The following VEGFB variants were observed in gnomAD, a reference collection of about 807,000 sequenced individuals.
VEGFB encodes the protein VEGF-related factor.
VEGFB carries 24 observed loss-of-function variants against 22.5 expected under a neutral mutation model. The ratio of observed to expected loss-of-function variants is 1.07; its 90% CI spans 0.77 to 1.50. The LOEUF (loss-of-function observed/expected upper bound fraction) is 1.50, where lower values mean the gene tolerates loss of function less well. VEGFB is among the 40% of genes most tolerant of loss of function. The probability of loss-of-function intolerance (pLI) is 0.00; values close to 1 mark genes in which losing one functional copy is unlikely to be tolerated. For synonymous variants in VEGFB, 141 were observed against 117.4 expected (o/e 1.20, Z -1.30); for missense variants, 327 against 287.8 (o/e 1.14, Z -0.99).
At position 64,236,268 on chromosome 11, in the gene VEGFB, G is replaced by C. The variant is rs1270045912; in HGVS notation, c.315G>C (p.Arg105=). The C allele has an allele frequency of 1.2e-6, 2 of 1,613,924 alleles. No individual in the cohort carries two copies. The highest frequency in any genetic ancestry group is 1.1e-5 in the South Asian group (1 of 91,090). ...CCTGAGCACAGATCCTCATGATCCGGTACCCGAGCAGTCAGCTGGGGGAGA... is the reference window on the plus strand; with the variant it reads ...CCTGAGCACAGATCCTCATGATCCGCTACCCGAGCAGTCAGCTGGGGGAGA... ...HQVRMQILMI[R]YPSSQLGEMS... The change falls in exon 4 of 7, where the codon CGG becomes CGC. Residue 105 remains arginine, a synonymous_variant. Coordinates refer to ENST00000309422, the MANE Select transcript of VEGFB (RefSeq NM_003377.5).
intron 4 of VEGFB, among the ~76,000 whole-genome samples, chr11:64,236,772 C>G (rs1430243286): frequency 2.3e-4 from 30 of 131,930 alleles, no homozygotes; most frequent in African/African-American, 8.0e-4. Context: ...GGCCTTGGAT[C>G]TGGGGCAACA....
At chr11:64,237,911 C>T (rs1008985858) in intron 6 of VEGFB, 10 of 498,678 alleles carry the variant, frequency 2.0e-5, no homozygotes, top group African/African-American at 3.8e-5. Flanking sequence ...TACCTGGCCT[C>T]GTCTTTCAGA....
chr11:64,237,965 A>T (rs749512189), intron 6 of VEGFB: 2 of 480,848 alleles, frequency 4.2e-6, no homozygotes, highest in East Asian at 3.3e-5. Context: ...CCGGAGTAGA[A>T]ATGTAGGACA....
At chr11:64,235,791 AC>A in intron 2 of VEGFB, 21 bp from the exon 3 acceptor site, 3 of 1,612,728 alleles carry the variant, frequency 1.9e-6, no homozygotes, top group African/African-American at 1.3e-5. Flanking sequence ...TGAGGACTTA[AC>A]CCCTACCGGT....
chr11:64,236,400 A>T, intron 4 of VEGFB, 73 bp downstream of exon 4: 5 of 1,437,102 alleles, frequency 3.5e-6, no homozygotes, highest in South Asian at 1.2e-5. Context: ...GGTCCACAGA[A>T]CTGGGGACCA....
intron 6 of VEGFB, among the ~76,000 whole-genome samples, chr11:64,238,122 G>A (rs2030236390): frequency 6.6e-6 from 1 of 152,192 alleles, no homozygotes; most frequent in Admixed American, 6.5e-5. Context: ...GTGTCCCGCA[G>A]TGAGGCCATG....
rs1352195371 is a variant in VEGFB, at chr11:64,237,123, G to A, written c.375-64G>A. 5 of 663,060 alleles carry A rather than the reference G, an allele frequency of 7.5e-6. No individual in the cohort carries two copies. The East Asian group carries it at 1.9e-4, about 25-fold the overall frequency. The allele number at this position is 663,060 out of a possible 1,614,324, so 41.1% of individuals were successfully genotyped here. On this transcript the variant is annotated intron_variant, in intron 4 of 6. Coordinates refer to ENST00000309422, the MANE Select transcript of VEGFB (RefSeq NM_003377.5). ...AGAGAGAGAGAGAGAGAGAGAGAGAGTAGGATGCTGGGATTTCCTGATCTT... is the reference window on the plus strand; with the variant it reads ...AGAGAGAGAGAGAGAGAGAGAGAGAATAGGATGCTGGGATTTCCTGATCTT...
At chr11:64,237,265 CAAGTGAGTCCAGAAGCTGTTGCT>C (rs767146079) in intron 5 of VEGFB, 43 bp downstream of exon 5, 1 of 1,573,976 alleles carries the variant, frequency 6.4e-7, no homozygotes, top group South Asian at 1.1e-5. Flanking sequence ...ATGGGGAGTA[CAAGTGAGTCCAGAAGCTGTTGCT>C]CCTCTTTCTC....
rs757671297 is a variant in VEGFB, at chr11:64,235,837, C to T, written c.128C>T (p.Thr43Ile). 13 of 1,613,864 alleles carry T rather than the reference C, an allele frequency of 8.1e-6. No homozygotes were observed. In the African/African-American group the frequency reaches 1.1e-4, roughly 13 times the overall value. Reference protein sequence around the residue: ...RKVVSWIDVYTRATCQPREVV... With the variant: ...RKVVSWIDVYIRATCQPREVV... The stretch of plus-strand genomic sequence containing the variant: ...GTGGTGTCATGGATAGATGTGTATA[C>T]TCGCGCTACCTGCCAGCCCCGGGAG... Residue 43 changes from threonine (T) to isoleucine (I), a missense_variant, in exon 3 of 7, where the codon ACT becomes ATT. By Grantham distance (89) the Thr-to-Ile change is moderately conservative. Coordinates refer to ENST00000309422, the MANE Select transcript of VEGFB (RefSeq NM_003377.5).
At position 64,237,180 on chromosome 11, in the gene VEGFB, T is replaced by C. The variant is rs775569223; in HGVS notation, c.375-7T>C. 6.2e-7 allele frequency: 1 copy of C among 1,602,650 alleles called. No individual in the cohort carries two copies. Among genetic ancestry groups the C allele is most frequent in the East Asian group, 2.2e-5 (1 of 44,550 alleles). ...GTTTGTCTGTGTCTGTCTATCTTAC[T>C]TTTCAGACCTAAAAAAAAGGACAGT... On this transcript the variant is annotated splice_polypyrimidine_tract_variant and splice_region_variant and intron_variant, in intron 4 of 6. Coordinates refer to ENST00000309422, the MANE Select transcript of VEGFB (RefSeq NM_003377.5).
chr11:64,234,773 C>CGA lies in VEGFB; in HGVS notation c.-61_-60insGA, dbSNP rs1947228264. The CGA allele has an allele frequency of 1.5e-5, 12 of 817,416 alleles. No homozygotes were observed. In the South Asian group the frequency reaches 4.3e-4, roughly 29 times the overall value. 50.6% of individuals were successfully genotyped at this position (817,416 alleles called of 1,614,324 possible). ...GCCATGGGGCTCTGGCTGTCGCCGC[C>CGA]CCCCGCGCCGCCGGGCTAGGGCGAT... On this transcript the variant is annotated 5_prime_UTR_variant, in exon 1 of 7. The change abolishes the stop of an existing upstream ORF in the 5' untranslated region. Transcript: ENST00000309422. The surrounding 1 kb of genome is among the most constrained non-coding windows in gnomAD (Gnocchi z 5.3).
Position 64,237,083 on chromosome 11 carries a change from C to CGAGAGAGAGAGAGAGAGAGAGAG in VEGFB, c.375-104_375-103insGAGAGAGAGAGAGAGAGAGAGAG, listed in dbSNP as rs1555056088. The stretch of plus-strand genomic sequence containing the variant: ...GGGCAAGAAGAGGGAAACACAGTCT[C>CGAGAGAGAGAGAGAGAGAGAGAG]AAAGAGAGAGAGAGAGAGAGAGAGA... On this transcript the variant is annotated intron_variant, in intron 4 of 6. Transcript: ENST00000309422. 16 of 650,508 alleles carry CGAGAGAGAGAGAGAGAGAGAGAG rather than the reference C, an allele frequency of 2.5e-5. 3 individuals are homozygous for CGAGAGAGAGAGAGAGAGAGAGAG. The highest frequency in any genetic ancestry group is 1.4e-4 in the East Asian group (2 of 14,494). The allele number at this position is 650,508 out of a possible 1,614,324, so 40.3% of individuals were successfully genotyped here. A position where few individuals can be genotyped will look rare whatever the true frequency, so the allele number is the denominator to read the frequency against.
At position 64,238,617 on chromosome 11, in the gene VEGFB, A is replaced by C. The variant is rs1338691689; in HGVS notation, c.*284A>C. 4 of 591,850 alleles carry C rather than the reference A, an allele frequency of 6.8e-6. No homozygotes were observed. The highest frequency in any genetic ancestry group is 1.2e-5 in the Non-Finnish European group (4 of 332,150). The allele number at this position is 591,850 out of a possible 1,614,324, so 36.7% of individuals were successfully genotyped here. ...GAGGCAGCAAGAGGGGTCACATACC[A>C]GCTCAGGGGAGAATGGAGTACTGTC... On this transcript the variant is annotated 3_prime_UTR_variant, in exon 7 of 7. Coordinates refer to ENST00000309422, the MANE Select transcript of VEGFB (RefSeq NM_003377.5).
Position 64,235,738 on chromosome 11 carries a change from G to T in VEGFB, c.104-75G>T. The T allele has an allele frequency of 3.2e-6, 5 of 1,560,988 alleles. No homozygotes were observed. The South Asian group carries it at 5.7e-5, about 18-fold the overall frequency. ...TAGTGGAGGGTGGCTGTGACTTGGG[G>T]ACTGGGGAGGACAGATGCTGGGAGC... On this transcript the variant is annotated intron_variant, in intron 2 of 6. Coordinates refer to ENST00000309422, the MANE Select transcript of VEGFB (RefSeq NM_003377.5).
At position 64,234,728 on chromosome 11, in the gene VEGFB, C is replaced by T. The variant is rs931882940; in HGVS notation, c.-106C>T. ...AGTCGCCCCCCGCGCCCGGCCCCCG[C>T]CCGCCGCGCCCGGGCCCGCGCCATG... On this transcript the variant is annotated 5_prime_UTR_variant, in exon 1 of 7. Transcript: ENST00000309422. This position sits in a 1 kb window ranked among gnomAD's most constrained non-coding sequence, Gnocchi z 5.3. The T allele has an allele frequency of 7.1e-6, 2 of 283,516 alleles. No individual in the cohort carries two copies. The highest frequency in any genetic ancestry group is 1.0e-5 in the Non-Finnish European group (2 of 191,528). 17.6% of individuals were successfully genotyped at this position (283,516 alleles called of 1,614,324 possible).
intron 3 of VEGFB, 90 bp downstream of exon 3, chr11:64,236,099 G>C: frequency 6.6e-6 from 10 of 1,522,730 alleles, no homozygotes; most frequent in Non-Finnish European, 8.8e-6. Flanking sequence ...CTCTGGGGCT[G>C]GGGCAGCCTG....
rs1555056104 is a variant in VEGFB, at chr11:64,237,123, G to GAGAGAGA, written c.375-64_375-63insAGAGAGA. The GAGAGAGA allele has an allele frequency of 2.7e-4, 177 of 662,690 alleles. 2 individuals are homozygous for GAGAGAGA. Among genetic ancestry groups the GAGAGAGA allele is most frequent in the Middle Eastern group, 1.2e-3 (3 of 2,406 alleles). The allele number at this position is 662,690 out of a possible 1,614,324, so 41.1% of individuals were successfully genotyped here. On this transcript the variant is annotated intron_variant, in intron 4 of 6. Coordinates refer to ENST00000309422, the MANE Select transcript of VEGFB (RefSeq NM_003377.5). ...AGAGAGAGAGAGAGAGAGAGAGAGA[G>GAGAGAGA]TAGGATGCTGGGATTTCCTGATCTT...
chr11:64,236,394 C>G, intron 4 of VEGFB, 67 bp downstream of exon 4: 1 of 1,507,672 alleles, frequency 6.6e-7, no homozygotes, highest in East Asian at 2.3e-5. Context: ...TATGGTGGTC[C>G]ACAGAACTGG....
intron 4 of VEGFB, 87 bp from the exon 5 acceptor site, chr11:64,237,100 A>AGGGAGAGGGAGAGG (rs1565317986): frequency 2.5e-6 from 1 of 404,408 alleles, no homozygotes; most frequent in East Asian, 6.3e-5. Flanking sequence ...AGAGAGAGAG[A>AGGGAGAGGGAGAGG]GAGAGAGAGA....
Sources: gnomAD v4.1 joint callset for allele counts (sites outside exome capture counted in the v4.1 genomes callset) on GRCh38, gnomAD v4.1.1 for gene constraint, Gnocchi (gnomAD v3.1) non-coding constraint, MANE v1.5 for transcripts, NCBI Gene and HGNC (gene_info 2026-07-23, HGNC 2026-07-21) for gene names.